Variants in ASAP1 observed in about 807,000 individuals in gnomAD.
ASAP1 encodes ArfGAP with SH3 domain, ankyrin repeat and PH domain 1, also known as arf-GAP with SH3 domain, ANK repeat and PH domain-containing protein 1.
In ASAP1, 43 loss-of-function variants were observed where a neutral mutation model predicts 145.2. The observed-to-expected ratio is 0.30, with a 90% CI of 0.23 to 0.38. ASAP1 has a LOEUF of 0.38. ASAP1 is among the 10% of genes least tolerant of loss of function. The pLI, the probability that ASAP1 is intolerant of heterozygous loss-of-function variation, is 1.00. For missense variants in ASAP1, 1,018 were observed against 1,355.3 expected, an observed-to-expected ratio of 0.75 and a Z score of 3.91; for synonymous variants, 546 against 515.5, an observed-to-expected ratio of 1.06 and a Z score of -0.80.
In ASAP1 at chr8:130,116,932, A is replaced by G. The variant is rs751907574; in HGVS notation, c.1944T>C (p.Ser648=). 1 of 1,614,110 alleles carries G rather than the reference A, an allele frequency of 6.2e-7. No homozygotes were observed. The highest frequency in any genetic ancestry group is 1.7e-5 in the Admixed American group (1 of 60,014). ...NTVLHYCSMY[S]KPECLKLLLR... ...GCAAAAGCTTCAAACACTCAGGTTT[A>G]CTGTACATACTACAGTAGTGTAGAA... Residue 648 remains serine, a synonymous_variant, in exon 21 of 30, where the codon AGT becomes AGC. Transcript: ENST00000518721.
intron 24 of ASAP1, among the ~76,000 whole-genome samples, chr8:130,093,042 G>T (rs928777875): frequency 1.3e-5 from 2 of 151,434 alleles, no homozygotes; most frequent in Non-Finnish European, 2.9e-5. Flanking sequence ...CTTTGCTCTA[G>T]AAACCAAACC....
At chr8:130,185,563 C>A (rs1317148662) in intron 7 of ASAP1, among the ~76,000 whole-genome samples, 1 of 151,660 alleles carries the variant, frequency 6.6e-6, no homozygotes, top group Non-Finnish European at 1.5e-5. Flanking sequence ...TCCGTCTCTA[C>A]TAAAAATACA....
rs1047068640 is a variant in ASAP1 at position 130,358,236 on chromosome 8, G to A, written c.60-93C>T. ...GGCCGCCCGGAGGCTCATGAACCCC[G>A]GCGCGCAGCCCGCCACCCGCCGCCC... On this transcript the variant is annotated intron_variant, in intron 2 of 29. Transcript: ENST00000518721. The surrounding 1 kb of genome is among the most constrained non-coding windows in gnomAD (Gnocchi z 4.1). 6 of 1,010,202 alleles carry A rather than the reference G, an allele frequency of 5.9e-6. No homozygotes were observed. The highest frequency in any genetic ancestry group is 4.2e-5 in the South Asian group (1 of 23,678). The allele number at this position is 1,010,202 out of a possible 1,614,324, so 62.6% of individuals were successfully genotyped here. A position where few individuals can be genotyped will look rare whatever the true frequency, so the allele number is the denominator to read the frequency against.
chr8:130,229,543 C>T lies in ASAP1; in HGVS notation c.259+7379G>A, dbSNP rs12681050. ...AGGCTCAAAGGTGGTCCTTAACAGT[C>T]ATTAATCTGAATCTTTATGTAAACA... On this transcript the variant is annotated intron_variant, in intron 4 of 29. Coordinates refer to ENST00000518721, the MANE Select transcript of ASAP1 (RefSeq NM_018482.4). Among the ~76,000 whole-genome samples, 10 of 152,124 alleles carry T rather than the reference C, an allele frequency of 6.6e-5. No individual in the cohort carries two copies. In the East Asian group the frequency reaches 1.9e-3, roughly 29 times the overall value.
intron 16 of ASAP1, among the ~76,000 whole-genome samples, chr8:130,127,228 C>T (rs1437495990): frequency 6.6e-6 from 1 of 151,770 alleles, no homozygotes; most frequent in Admixed American, 6.6e-5. Context: ...TTTCTTTTTT[C>T]TTTTTTTTGA....
rs966185 is a variant in ASAP1 at position 130,112,313 on chromosome 8, T to C, written c.2182A>G (p.Ile728Val). The C allele has an allele frequency of 0.47, 752,724 of 1,612,424 alleles. 179,861 individuals are homozygous for C. Among genetic ancestry groups the C allele is most frequent in the East Asian group, 0.7 (31,606 of 44,844 alleles). The change falls in exon 24 of 30, where the codon ATC (isoleucine) becomes GTC (valine). Residue 728 changes from isoleucine to valine, a missense_variant. By Grantham distance (29) the Ile-to-Val change is conservative. This residue lies in a region of ASAP1 where 353 missense variants were observed against 375.4 expected (regional missense o/e 0.94). Coordinates refer to ENST00000518721, the MANE Select transcript of ASAP1 (RefSeq NM_018482.4). ...GGTCTGGGTGAGCGCTCTTTCTTGA[T>C]AGGGCTTGGCTGGCAGATGAAATAA... Reference protein sequence around the residue: ...DDDLDDKPSPIKKERSPRPQS... With the variant: ...DDDLDDKPSPVKKERSPRPQS...
chr8:130,301,024 C>CT (rs1272711646), intron 3 of ASAP1, among the ~76,000 whole-genome samples: 3 of 152,146 alleles, frequency 2.0e-5, no homozygotes, highest in Non-Finnish European at 4.4e-5. Flanking sequence ...CATAATGGGG[C>CT]TTCTTGGTGG....
intron 5 of ASAP1, among the ~76,000 whole-genome samples, chr8:130,196,849 T>C (rs1017345304): frequency 6.6e-6 from 1 of 152,248 alleles, no homozygotes; most frequent in Non-Finnish European, 1.5e-5. Context: ...GTATTCTGTC[T>C]AGTATATTAA....
At chr8:130,108,219 G>C (rs910594361) in intron 24 of ASAP1, among the ~76,000 whole-genome samples, 3 of 152,144 alleles carry the variant, frequency 2.0e-5, no homozygotes, top group South Asian at 4.1e-4. Flanking sequence ...CTACATTATA[G>C]CAAATGTGTA....
rs1165417335 is a variant in ASAP1, at chr8:130,115,837, G to A, written c.2065-102C>T. 1.2e-5 allele frequency: 10 copies of A among 852,928 alleles called. No individual in the cohort carries two copies. In the South Asian group the frequency reaches 1.4e-4, roughly 12 times the overall value. 52.8% of individuals were successfully genotyped at this position (852,928 alleles called of 1,614,324 possible). A position where few individuals can be genotyped will look rare whatever the true frequency, so the allele number is the denominator to read the frequency against. On this transcript the variant is annotated intron_variant, in intron 22 of 29. Transcript: ENST00000518721. ...TCCCACCTTATTCCTAGTTTTCAATGAATCATCTGTAGGTGTACTATAGGC... is the reference window on the plus strand; with the variant it reads ...TCCCACCTTATTCCTAGTTTTCAATAAATCATCTGTAGGTGTACTATAGGC...
At chr8:130,161,616 T>A (rs1052286728) in intron 11 of ASAP1, among the ~76,000 whole-genome samples, 10 of 152,140 alleles carry the variant, frequency 6.6e-5, no homozygotes, top group Non-Finnish European at 1.5e-5. Flanking sequence ...CTGACTCACA[T>A]TAAAGAGGTT....
chr8:130,217,804 C>A (rs1817029612), intron 4 of ASAP1, among the ~76,000 whole-genome samples: 1 of 152,158 alleles, frequency 6.6e-6, no homozygotes, highest in South Asian at 2.1e-4. Flanking sequence ...CTTTCAAACA[C>A]ACCTCAATAA....
intron 3 of ASAP1, among the ~76,000 whole-genome samples, chr8:130,252,914 A>G (rs1036596205): frequency 6.6e-6 from 1 of 151,986 alleles, no homozygotes; most frequent in Non-Finnish European, 1.5e-5. Flanking sequence ...TCAGGACAGT[A>G]AGAACTTACA....
intron 5 of ASAP1, among the ~76,000 whole-genome samples, chr8:130,195,938 C>T (rs141618395): frequency 6.6e-6 from 1 of 152,298 alleles, no homozygotes; most frequent in African/African-American, 2.4e-5. Flanking sequence ...AATGATCTCA[C>T]TTATTGTTTA....
At chr8:130,074,203 A>G (rs909401024) in intron 27 of ASAP1, among the ~76,000 whole-genome samples, 31 of 152,058 alleles carry the variant, frequency 2.0e-4, no homozygotes, top group African/African-American at 7.0e-4. Flanking sequence ...TTTTTTAGAC[A>G]TGATGAATTT....
intron 1 of ASAP1, among the ~76,000 whole-genome samples, chr8:130,402,404 T>G (rs1484264341): frequency 6.6e-6 from 1 of 152,138 alleles, no homozygotes; most frequent in South Asian, 2.1e-4. Flanking sequence ...AAGGCAGATA[T>G]AGAAGAATAT....
At chr8:130,133,923 G>T (rs953535419) in intron 15 of ASAP1, among the ~76,000 whole-genome samples, 12 of 152,198 alleles carry the variant, frequency 7.9e-5, no homozygotes, top group African/African-American at 2.9e-4. Flanking sequence ...TGAGGGCAAG[G>T]GATGTGATTA....
At chr8:130,287,271 C>G (rs1821673609) in intron 3 of ASAP1, among the ~76,000 whole-genome samples, 1 of 152,102 alleles carries the variant, frequency 6.6e-6, no homozygotes, top group African/African-American at 2.4e-5. Context: ...GATGACAGGA[C>G]AGCTTGATGG....
At chr8:130,263,581 T>G (rs1820070150) in intron 3 of ASAP1, among the ~76,000 whole-genome samples, 1 of 152,182 alleles carries the variant, frequency 6.6e-6, no homozygotes, top group Non-Finnish European at 1.5e-5. Context: ...TAAATGAGCC[T>G]TTGCTCACTT....
Sources: allele counts gnomAD v4.1 joint callset (sites outside exome capture counted in the v4.1 genomes callset), GRCh38; gene constraint gnomAD v4.1.1; regional missense constraint gnomAD v4.1.1; non-coding constraint Gnocchi (gnomAD v3.1); transcripts MANE v1.5; gene names NCBI Gene and HGNC (gene_info 2026-07-23, HGNC 2026-07-21).